NAA35: variants seen among roughly 807,000 people sequenced by gnomAD.
NAA35 encodes the protein MAK10 homolog, amino-acid N-acetyltransferase subunit.
In NAA35, 18 loss-of-function variants were observed where a neutral mutation model predicts 101.7. The ratio of observed to expected loss-of-function variants is 0.18; its 90% CI spans 0.12 to 0.26. The LOEUF (loss-of-function observed/expected upper bound fraction) is 0.26, where lower values mean the gene tolerates loss of function less well. NAA35 is among the 10% of genes least tolerant of loss of function. NAA35 has a pLI of 1.00. For synonymous variants in NAA35, 267 were observed against 273.1 expected, an observed-to-expected ratio of 0.98 and a Z score of 0.22; for missense variants, 601 against 886.8, an observed-to-expected ratio of 0.68 and a Z score of 4.09.
Position 86,013,161 on chromosome 9 carries a change from C to G in NAA35, c.1389+17C>G, listed in dbSNP as rs762474464. The G allele has an allele frequency of 6.6e-7, 1 of 1,506,350 alleles. No individual in the cohort carries two copies. The highest frequency in any genetic ancestry group is 9.1e-7 in the Non-Finnish European group (1 of 1,094,454). The allele number at this position is 1,506,350 out of a possible 1,614,324, so 93.3% of individuals were successfully genotyped here. ...CAGGATGAGGTAAGAGCCAGGTTCC[C>G]CTCTCTTCTAAAATTAAATGATGCA... On this transcript the variant is annotated intron_variant, in intron 16 of 22. Coordinates refer to ENST00000361671, the MANE Select transcript of NAA35 (RefSeq NM_024635.4).
intron 11 of NAA35, among the ~76,000 whole-genome samples, chr9:85,990,302 C>T (rs1274232656): frequency 6.6e-6 from 1 of 152,238 alleles, no homozygotes; most frequent in East Asian, 1.9e-4. Context: ...CCCCTTTACT[C>T]AGACACCTCC....
In NAA35 at chr9:86,023,467, G is replaced by T. The variant is rs188483690; in HGVS notation, c.*1507G>T. 1.3e-5 allele frequency among the ~76,000 whole-genome samples: 2 copies of T among 152,280 alleles called. No individual in the cohort carries two copies. Among genetic ancestry groups the T allele is most frequent in the Non-Finnish European group, 2.9e-5 (2 of 68,024 alleles). On this transcript the variant is annotated 3_prime_UTR_variant, in exon 23 of 23. Transcript: ENST00000361671. The stretch of plus-strand genomic sequence containing the variant: ...GCAAAGAGGAAAACAGAATGAGCAT[G>T]GACATTTGGCAAACAACCAAGAAGA...
chr9:85,956,701 T>C (rs908231632), intron 3 of NAA35, among the ~76,000 whole-genome samples: 5 of 152,214 alleles, frequency 3.3e-5, no homozygotes, highest in African/African-American at 1.2e-4. Flanking sequence ...GGTTGCTTGA[T>C]AACCAGAAAT....
chr9:85,950,394 T>A (rs893244894), intron 2 of NAA35, among the ~76,000 whole-genome samples: 2 of 152,168 alleles, frequency 1.3e-5, no homozygotes, highest in Admixed American at 1.3e-4. Context: ...TATAAGCATG[T>A]GCCACCGCAC....
At chr9:85,946,597 G>A (rs564889937) in intron 2 of NAA35, among the ~76,000 whole-genome samples, 1 of 151,824 alleles carries the variant, frequency 6.6e-6, no homozygotes, top group South Asian at 2.1e-4. Flanking sequence ...TTGCCCAAGG[G>A]CTGCATGTGG....
At chr9:85,952,434 C>A (rs1332451087) in intron 2 of NAA35, among the ~76,000 whole-genome samples, 1 of 151,826 alleles carries the variant, frequency 6.6e-6, no homozygotes, top group African/African-American at 2.4e-5. Context: ...TACAGGCGCA[C>A]ACCACCATGC....
chr9:85,969,188 A>G (rs372962743), intron 6 of NAA35, among the ~76,000 whole-genome samples: 2 of 146,626 alleles, frequency 1.4e-5, no homozygotes, highest in African/African-American at 5.0e-5. Context: ...TGCCTTTATT[A>G]TTCTTAGTTT....
At chr9:85,975,059 A>T (rs753066733) in intron 7 of NAA35, 26 bp downstream of exon 7, 2 of 1,611,798 alleles carry the variant, frequency 1.2e-6, no homozygotes, top group East Asian at 4.5e-5. Context: ...AAGTTAATTC[A>T]CAAGTTTTAC....
Position 85,976,672 on chromosome 9 carries a change from T to C in NAA35, c.628-13T>C. 6.4e-7 allele frequency: 1 copy of C among 1,569,336 alleles called. No individual in the cohort carries two copies. Among genetic ancestry groups the C allele is most frequent in the Non-Finnish European group, 8.6e-7 (1 of 1,161,282 alleles). On this transcript the variant is annotated splice_polypyrimidine_tract_variant and intron_variant, in intron 8 of 22. Transcript: ENST00000361671. Reference sequence around the variant, plus strand: ...TCAGGTTTGTGTTTAATTCACCTTTTTTAAAATTTTAGAGTACTCGAAGTC... The same window carrying C: ...TCAGGTTTGTGTTTAATTCACCTTTCTTAAAATTTTAGAGTACTCGAAGTC...
At chr9:85,987,409 CTT>C (rs1830696781) in intron 11 of NAA35, among the ~76,000 whole-genome samples, 1 of 152,228 alleles carries the variant, frequency 6.6e-6, no homozygotes. Context: ...ACCCAGTCGG[CTT>C]AACTTGCCCA....
At chr9:86,000,123 CA>C (rs1831356902) in intron 12 of NAA35, among the ~76,000 whole-genome samples, 1 of 152,088 alleles carries the variant, frequency 6.6e-6, no homozygotes, top group Non-Finnish European at 1.5e-5. Context: ...TAAATTTTAT[CA>C]GAAGGCTTTT....
intron 17 of NAA35, chr9:86,015,769 C>T (rs1832178390): frequency 1.0e-6 from 1 of 973,726 alleles, no homozygotes; most frequent in Non-Finnish European, 1.2e-6. Flanking sequence ...CCCCTTCACT[C>T]ATGTGTCCTT....
At chr9:86,013,310 G>A (rs1187528414) in intron 16 of NAA35, among the ~76,000 whole-genome samples, 166 bp downstream of exon 16, 1 of 152,094 alleles carries the variant, frequency 6.6e-6, no homozygotes, top group Non-Finnish European at 1.5e-5. Context: ...AAATGAAACA[G>A]AACAATAATC....
intron 5 of NAA35, among the ~76,000 whole-genome samples, chr9:85,960,159 A>G (rs897342964): frequency 2.6e-5 from 4 of 152,216 alleles, no homozygotes; most frequent in Admixed American, 2.0e-4. Flanking sequence ...TAAGTCTGTA[A>G]TTGGAAGGTT....
rs761826871 is a variant in NAA35, at chr9:86,013,778, A to T, written c.1449A>T (p.Gln483His). 52 of 1,614,004 alleles carry T rather than the reference A, an allele frequency of 3.2e-5. No homozygotes were observed. Among genetic ancestry groups the T allele is most frequent in the Non-Finnish European group, 4.2e-5 (50 of 1,179,964 alleles). Residue 483 changes from glutamine to histidine, a missense_variant, in exon 17 of 23, where the codon CAA becomes CAT. Around this residue, in one of 8 missense-constraint regions of NAA35, gnomAD observed 99 missense variants for 206.7 expected, o/e 0.48. Transcript: ENST00000361671. The stretch of plus-strand genomic sequence containing the variant: ...TGTTGAAACAGGAACCCCAAAGGCA[A>T]CATTTGGCCTGTTTAGGTACCTGGG... The part of the protein sequence containing the change: ...TMLLKQEPQR[Q>H]HLACLGTWVL...
At chr9:85,981,598 A>C (rs889997686) in intron 11 of NAA35, among the ~76,000 whole-genome samples, 2 of 152,200 alleles carry the variant, frequency 1.3e-5, no homozygotes, top group African/African-American at 4.8e-5. Context: ...CTGGTTTTAT[A>C]GTGTGCTGAC....
In NAA35 at chr9:86,017,505, A is replaced by G. The variant is rs540274613; in HGVS notation, c.1713A>G (p.Pro571=). ...TTTTCTTTCTAATTACAGTTCGCCCATTGAGCCGAGAGATCACAATGAGCC... is the reference window on the plus strand; with the variant it reads ...TTTTCTTTCTAATTACAGTTCGCCCGTTGAGCCGAGAGATCACAATGAGCC... ...KKTKKKKKVR[P]LSREITMSQA... Residue 571 remains proline (P), a synonymous_variant, in exon 19 of 23, where the codon CCA becomes CCG. Transcript: ENST00000361671. 1.2e-5 allele frequency: 19 copies of G among 1,613,672 alleles called. No homozygotes were observed. The highest frequency in any genetic ancestry group is 6.6e-5 in the South Asian group (6 of 91,046).
chr9:85,949,279 ATTTTTCTT>A (rs1478708256), intron 2 of NAA35, among the ~76,000 whole-genome samples: 19 of 138,956 alleles, frequency 1.4e-4, no homozygotes, highest in African/African-American at 4.5e-4. Flanking sequence ...TTTCTTCCCT[ATTTTTCTT>A]TTTTTCTTTT....
At chr9:85,947,511 T>A (rs1427718317) in intron 2 of NAA35, among the ~76,000 whole-genome samples, 1 of 152,076 alleles carries the variant, frequency 6.6e-6, no homozygotes, top group African/African-American at 2.4e-5. Flanking sequence ...TACCAAGAGG[T>A]GGAGCATGGG....
Sources: allele counts gnomAD v4.1 joint callset (sites outside exome capture counted in the v4.1 genomes callset), GRCh38; gene constraint gnomAD v4.1.1; regional missense constraint gnomAD v4.1.1; transcripts MANE v1.5; gene names NCBI Gene and HGNC (gene_info 2026-07-23, HGNC 2026-07-21).